The following ARMC3 variants were observed in gnomAD, a reference collection of about 807,000 sequenced individuals.
ARMC3 encodes armadillo repeat containing 3, also known as armadillo repeat-containing protein 3.
In ARMC3, 74 loss-of-function variants were observed where a neutral mutation model predicts 90.3. That is an observed-to-expected ratio of 0.82 (90% confidence interval 0.68 to 0.99). ARMC3 has a LOEUF of 0.99. Among genes scored for constraint, ARMC3 ranks in the 50% least tolerant of loss-of-function variants. ARMC3 has a pLI of 0.00. For synonymous variants in ARMC3, 334 were observed against 361.8 expected (o/e 0.92, Z 0.87); for missense variants, 958 against 1,042.8 (o/e 0.92, Z 1.12).
At chr10:22,973,631 A>G (rs1377879740) in intron 8 of ARMC3, among the ~76,000 whole-genome samples, 2 of 151,248 alleles carry the variant, frequency 1.3e-5, no homozygotes, top group African/African-American at 4.9e-5. Flanking sequence ...TATAAATTAT[A>G]TTGTACAGTT....
chr10:22,947,399 G>A (rs1834575202), intron 3 of ARMC3, among the ~76,000 whole-genome samples: 6 of 151,192 alleles, frequency 4.0e-5, no homozygotes, highest in Admixed American at 4.0e-4. Flanking sequence ...GATATGATGT[G>A]ATGAAAATGA....
In ARMC3 at chr10:22,957,211, C is replaced by T. The variant is rs377267193; in HGVS notation, c.292+1279C>T. On this transcript the variant is annotated intron_variant, in intron 4 of 18. Coordinates refer to ENST00000298032, the MANE Select transcript of ARMC3 (RefSeq NM_173081.5). Reference sequence around the variant, plus strand: ...CCACCGCCCGCCATTTTCCCTGGACCCCGTGTGATGACAGTGAGGCCTCCT... The same window carrying T: ...CCACCGCCCGCCATTTTCCCTGGACTCCGTGTGATGACAGTGAGGCCTCCT... 3.3e-5 allele frequency among the ~76,000 whole-genome samples: 5 copies of T among 151,986 alleles called. No homozygotes were observed. In the South Asian group the frequency reaches 8.3e-4, roughly 25 times the overall value.
intron 2 of ARMC3, among the ~76,000 whole-genome samples, chr10:22,942,818 G>A (rs1489132657): frequency 1.3e-5 from 2 of 151,932 alleles, no homozygotes; most frequent in Non-Finnish European, 2.9e-5. Context: ...TCCTTAAACT[G>A]GAAAGAAAAG....
rs541315608 is a variant in ARMC3, at chr10:23,017,849, T to G, written c.2045+8918T>G. Among the ~76,000 whole-genome samples, 27 of 152,368 alleles carry G rather than the reference T, an allele frequency of 1.8e-4. No individual in the cohort carries two copies. In the South Asian group the frequency reaches 2.3e-3, roughly 13 times the overall value. On this transcript the variant is annotated intron_variant, in intron 16 of 18. Coordinates refer to ENST00000298032, the MANE Select transcript of ARMC3 (RefSeq NM_173081.5). Reference sequence around the variant, plus strand: ...CCATTTTCTTGATTTCTTGACCCTCTGACACATTTGTTGTTTTAAGTTCCT... The same window carrying G: ...CCATTTTCTTGATTTCTTGACCCTCGGACACATTTGTTGTTTTAAGTTCCT...
At chr10:22,998,000 A>T in intron 10 of ARMC3, 148 bp from the exon 11 acceptor site, 2 of 904,302 alleles carry the variant, frequency 2.2e-6, no homozygotes, top group Non-Finnish European at 3.2e-6. Flanking sequence ...AATCACTAGC[A>T]CTCAATTCTG....
In ARMC3 at chr10:23,008,825, T is replaced by A. The variant is rs772784430; in HGVS notation, c.1939T>A (p.Tyr647Asn). The A allele has an allele frequency of 1.2e-6, 2 of 1,611,716 alleles. No homozygotes were observed. Among genetic ancestry groups the A allele is most frequent in the Non-Finnish European group, 1.7e-6 (2 of 1,178,534 alleles). ...TTTTCAAATGACAAGAAAAAATAGT[T>A]ATCATTTTAGTGCTGGATTTGGATC... The part of the protein sequence containing the change: ...SSKEKNKKNS[Y>N]HFSAGFGSPI... Residue 647 changes from tyrosine to asparagine, a missense_variant, in exon 16 of 19, where the codon TAT (tyrosine) becomes AAT (asparagine). Transcript: ENST00000298032.
At chr10:23,019,303 T>C (rs1484563517) in intron 16 of ARMC3, among the ~76,000 whole-genome samples, 2 of 152,312 alleles carry the variant, frequency 1.3e-5, no homozygotes. Flanking sequence ...ATTCCATCTA[T>C]GGTGTTAGAA....
In ARMC3 at chr10:23,026,942, A is replaced by G. The variant is rs543699840; in HGVS notation, c.2046-3654A>G. ...AGTGGAGCATATTTTTTTGGTTTCT[A>G]TTTCTTGGTCCTCAGTTCTGTTACA... On this transcript the variant is annotated intron_variant, in intron 16 of 18. Coordinates refer to ENST00000298032, the MANE Select transcript of ARMC3 (RefSeq NM_173081.5). Among the ~76,000 whole-genome samples the G allele has an allele frequency of 7.9e-5, 12 of 152,076 alleles. No homozygotes were observed. In the South Asian group the frequency reaches 1.5e-3, roughly 18 times the overall value.
At chr10:22,942,828 G>T (rs750443079) in intron 2 of ARMC3, among the ~76,000 whole-genome samples, 2 of 151,982 alleles carry the variant, frequency 1.3e-5, no homozygotes, top group Non-Finnish European at 2.9e-5. Flanking sequence ...GGAAAGAAAA[G>T]AACCCAAACT....
chr10:22,945,620 A>C (rs191456213), intron 2 of ARMC3, among the ~76,000 whole-genome samples: 153 of 152,194 alleles, frequency 1.0e-3, no homozygotes, highest in African/African-American at 3.5e-3. Context: ...TCTAGAGTCT[A>C]GTGGTTGGAA....
At position 22,992,628 on chromosome 10, in the gene ARMC3, G is replaced by T. The variant is rs549934870; in HGVS notation, c.1176-5520G>T. Among the ~76,000 whole-genome samples, 4 of 152,208 alleles carry T rather than the reference G, an allele frequency of 2.6e-5. No homozygotes were observed. In the East Asian group the frequency reaches 7.7e-4, roughly 29 times the overall value. ...TCTCTTGGCTAGTTTTGTCAACCTG[G>T]AGTTCAGCCAGAGTTTAGGGGCACA... On this transcript the variant is annotated intron_variant, in intron 10 of 18. Transcript: ENST00000298032.
intron 10 of ARMC3, among the ~76,000 whole-genome samples, chr10:22,983,791 A>G (rs1473332453): frequency 6.6e-6 from 1 of 152,254 alleles, no homozygotes; most frequent in Non-Finnish European, 1.5e-5. Flanking sequence ...TAGTCCTTCT[A>G]GAAGCCTCCT....
intron 3 of ARMC3, chr10:22,955,532 A>G (rs1041295809): frequency 3.9e-6 from 1 of 257,270 alleles, no homozygotes; most frequent in African/African-American, 2.2e-5. Context: ...ATGTGGTGAC[A>G]GAATTAGATA....
At chr10:22,985,046 ATTTTTTTT>A (rs535085393) in intron 10 of ARMC3, among the ~76,000 whole-genome samples, 176 of 83,566 alleles carry the variant, frequency 2.1e-3, no homozygotes, top group Non-Finnish European at 3.4e-3. Flanking sequence ...TTAATTTTTC[ATTTTTTTT>A]TTTTTTTTTT....
chr10:22,930,550 C>A (rs1202295124), intron 1 of ARMC3, among the ~76,000 whole-genome samples: 1 of 152,172 alleles, frequency 6.6e-6, no homozygotes, highest in African/African-American at 2.4e-5. Flanking sequence ...CCTCCAAAGT[C>A]TTAAAAGTAG....
intron 10 of ARMC3, among the ~76,000 whole-genome samples, chr10:22,992,521 T>TTAAATTA (rs1464635585): frequency 6.6e-6 from 1 of 152,240 alleles, no homozygotes; most frequent in Non-Finnish European, 1.5e-5. Flanking sequence ...ACCTTCATTT[T>TTAAATTA]AAGCATAAGC....
chr10:22,963,887 T>TCACACACA (rs1218675914), intron 7 of ARMC3, among the ~76,000 whole-genome samples: 8 of 33,858 alleles, frequency 2.4e-4, no homozygotes, highest in African/African-American at 1.4e-4. Flanking sequence ...AGACTCTGTC[T>TCACACACA]CACACACACA....
At chr10:22,994,525 C>T (rs190225574) in intron 10 of ARMC3, among the ~76,000 whole-genome samples, 1 of 151,984 alleles carries the variant, frequency 6.6e-6, no homozygotes, top group African/African-American at 2.4e-5. Context: ...TAGCAAGACT[C>T]CATCTCTAGA....
chr10:22,936,684 T>G (rs1476293040), intron 2 of ARMC3, among the ~76,000 whole-genome samples: 1 of 152,202 alleles, frequency 6.6e-6, no homozygotes. Flanking sequence ...AGCACAGTAT[T>G]ATTTATTTAG....
Sources: allele counts gnomAD v4.1 joint callset (sites outside exome capture counted in the v4.1 genomes callset), GRCh38; gene constraint gnomAD v4.1.1; transcripts MANE v1.5; gene names NCBI Gene and HGNC (gene_info 2026-07-23, HGNC 2026-07-21).